Variants in PCDHA1 observed in about 807,000 individuals in gnomAD.
The protein encoded by PCDHA1 is protocadherin alpha-1.
PCDHA1 carries 42 observed loss-of-function variants against 61.3 expected under a neutral mutation model. The observed-to-expected ratio is 0.69, with a 90% CI of 0.54 to 0.89. PCDHA1 has a LOEUF of 0.89. Ranked by LOEUF, PCDHA1 falls within the 40% of genes least tolerant of loss-of-function variation. The probability of loss-of-function intolerance (pLI) is 0.00; values close to 1 mark genes in which losing one functional copy is unlikely to be tolerated. For missense variants in PCDHA1, 1,256 were observed against 1,235.3 expected (o/e 1.02, Z -0.25); for synonymous variants, 610 against 553.8 (o/e 1.10, Z -1.43).
At chr5:140,822,062 G>A (rs997674203) in intron 1 of PCDHA1, 5 of 1,614,204 alleles carry the variant, frequency 3.1e-6, no homozygotes, top group East Asian at 2.2e-5. Flanking sequence ...GAGCTGTGCC[G>A]GCGGAGGGCG....
At chr5:140,880,009 T>C (rs2058206618) in intron 1 of PCDHA1, among the ~76,000 whole-genome samples, 1 of 152,232 alleles carries the variant, frequency 6.6e-6, no homozygotes, top group African/African-American at 2.4e-5. Context: ...TTATTCACCA[T>C]ATAAAGTAAA....
At chr5:140,811,841 A>T (rs1300716407) in intron 1 of PCDHA1, 6 of 152,020 alleles carry the variant, frequency 3.9e-5, no homozygotes, top group African/African-American at 1.4e-4. Flanking sequence ...ACTTTTTGAT[A>T]GGGTTTTTTG....
At chr5:140,829,072 T>G in intron 1 of PCDHA1, 2 of 1,612,584 alleles carry the variant, frequency 1.2e-6, no homozygotes, top group Non-Finnish European at 1.7e-6. Context: ...ACAAAGGCCA[T>G]CCTCCCATGG....
In PCDHA1 at chr5:140,787,700, G is replaced by C; in HGVS notation, c.1410G>C (p.Pro470=). 6.2e-7 allele frequency: 1 copy of C among 1,613,928 alleles called. No homozygotes were observed. The highest frequency in any genetic ancestry group is 8.5e-7 in the Non-Finnish European group (1 of 1,179,928). Residue 470 remains proline (P), a synonymous_variant, in exon 1 of 4, where the codon CCG becomes CCC. Coordinates refer to ENST00000504120, the MANE Select transcript of PCDHA1 (RefSeq NM_018900.4). The part of the protein sequence containing the change: ...YTVFVKENNP[P]GCHIFTVSAR... ...TATTCGTGAAGGAGAACAACCCGCC[G>C]GGCTGCCACATCTTCACGGTGTCTG...
At chr5:140,798,468 T>C (rs1241782681) in intron 1 of PCDHA1, among the ~76,000 whole-genome samples, 1 of 152,196 alleles carries the variant, frequency 6.6e-6, no homozygotes, top group Admixed American at 6.5e-5. Context: ...GGTGGGACTT[T>C]TTCTTCATTT....
At chr5:140,889,733 A>T (rs192682337) in intron 1 of PCDHA1, among the ~76,000 whole-genome samples, 1 of 152,316 alleles carries the variant, frequency 6.6e-6, no homozygotes, top group Admixed American at 6.5e-5. Context: ...CTCACTGAGT[A>T]GCAGAGTCTA....
At chr5:140,841,418 T>C in intron 1 of PCDHA1, 9 of 1,613,046 alleles carry the variant, frequency 5.6e-6, no homozygotes, top group Non-Finnish European at 7.6e-6. Context: ...CCAGCTCCAC[T>C]ACTCCGTCCC....
chr5:140,917,249 G>A (rs1439724525), intron 1 of PCDHA1, among the ~76,000 whole-genome samples: 1 of 149,466 alleles, frequency 6.7e-6, no homozygotes, highest in African/African-American at 2.5e-5. Flanking sequence ...TACTACGATT[G>A]CTCACCTGAT....
At chr5:140,917,326 G>GT (rs1425389614) in intron 1 of PCDHA1, among the ~76,000 whole-genome samples, 1 of 149,490 alleles carries the variant, frequency 6.7e-6, no homozygotes, top group Non-Finnish European at 1.5e-5. Flanking sequence ...TCATGTGGCG[G>GT]GGGAGGGGGG....
At position 140,903,272 on chromosome 5, in the gene PCDHA1, G is replaced by A. The variant is rs907509606; in HGVS notation, c.2395-75677G>A. Among the ~76,000 whole-genome samples the A allele has an allele frequency of 2.6e-5, 4 of 152,138 alleles. No individual in the cohort carries two copies. The East Asian group carries it at 5.8e-4, about 22-fold the overall frequency. ...TAGTAATTCTTGCAGGAGTGAGGTA[G>A]TGTCTCATTGTGCATTAGGAAATTT... On this transcript the variant is annotated intron_variant, in intron 1 of 3. Transcript: ENST00000504120.
At chr5:140,852,957 C>A in intron 1 of PCDHA1, 1 of 439,404 alleles carries the variant, frequency 2.3e-6, no homozygotes, top group Non-Finnish European at 3.1e-6. Flanking sequence ...TGGCTCACTC[C>A]AAGCTCCCCC....
chr5:140,847,627 T>G (rs886255064), intron 1 of PCDHA1: 2 of 149,354 alleles, frequency 1.3e-5, no homozygotes, highest in Non-Finnish European at 3.0e-5. Flanking sequence ...CAAACTATAT[T>G]GGAGACTACA....
chr5:140,892,793 A>G (rs1292583572), intron 1 of PCDHA1, among the ~76,000 whole-genome samples: 1 of 152,224 alleles, frequency 6.6e-6, no homozygotes, highest in Non-Finnish European at 1.5e-5. Context: ...TATGTAAGAA[A>G]TTATAGTTAA....
chr5:140,861,926 G>A (rs994509144), intron 1 of PCDHA1: 10 of 153,960 alleles, frequency 6.5e-5, no homozygotes, highest in African/African-American at 2.2e-4. Context: ...GGATGTAAAT[G>A]ATGATGCCCA....
At chr5:140,969,513 A>G (rs2096339726) in intron 1 of PCDHA1, 1 of 1,417,106 alleles carries the variant, frequency 7.1e-7, no homozygotes, top group Non-Finnish European at 9.4e-7. Context: ...ATAGCACTAA[A>G]GAATTGTTTT....
intron 3 of PCDHA1, among the ~76,000 whole-genome samples, chr5:140,998,786 A>G (rs1210415944): frequency 1.3e-5 from 2 of 152,026 alleles, no homozygotes; most frequent in African/African-American, 4.8e-5. Flanking sequence ...CTGGTCTGGA[A>G]CCCCTGACCT....
intron 1 of PCDHA1, chr5:140,857,650 G>C (rs1212312396): frequency 6.3e-7 from 1 of 1,596,628 alleles, no homozygotes; most frequent in Non-Finnish European, 8.6e-7. Flanking sequence ...AGTTCCAGGT[G>C]AGCGCGCGCG....
intron 1 of PCDHA1, chr5:140,968,189 TC>T: frequency 6.2e-7 from 1 of 1,614,034 alleles, no homozygotes; most frequent in Non-Finnish European, 8.5e-7. Context: ...GGACTCCTAT[TC>T]CATCTACATA....
At chr5:140,858,549 G>C in intron 1 of PCDHA1, 1 of 1,394,430 alleles carries the variant, frequency 7.2e-7, no homozygotes, top group South Asian at 1.2e-5. Context: ...TTCCATTTAT[G>C]CTTGAATATT....
Sources: allele counts gnomAD v4.1 joint callset (sites outside exome capture counted in the v4.1 genomes callset), GRCh38; gene constraint gnomAD v4.1.1; transcripts MANE v1.5; gene names NCBI Gene and HGNC (gene_info 2026-07-23, HGNC 2026-07-21).